The following CACNA2D1 variants were observed in gnomAD, a reference collection of about 807,000 sequenced individuals.
CACNA2D1 encodes calcium voltage-gated channel auxiliary subunit alpha2delta 1.
Under a neutral mutation model 171.5 loss-of-function variants are expected in CACNA2D1, and 53 were observed. That is an observed-to-expected ratio of 0.31 (90% CI 0.25 to 0.39). The LOEUF is 0.39. Among genes scored for constraint, CACNA2D1 ranks in the 10% least tolerant of loss-of-function variants. The pLI is 1.00. For synonymous variants in CACNA2D1, 442 were observed against 443.1 expected, an observed-to-expected ratio of 1.00 and a Z score of 0.03; for missense variants, 903 against 1,299.8, an observed-to-expected ratio of 0.69 and a Z score of 4.69.
Position 81,962,034 on chromosome 7 carries a change from G to A in CACNA2D1, c.2837-11C>T, listed in dbSNP as rs376087769. The A allele has an allele frequency of 9.9e-6, 16 of 1,611,854 alleles. No individual in the cohort carries two copies. The highest frequency in any genetic ancestry group is 1.7e-4 in the Middle Eastern group (1 of 6,036). ...CATCCTCCATCTCAACTTGGGTGGC[G>A]GGGGACGGTGTAAAAACAAAGAACA... On this transcript the variant is annotated splice_polypyrimidine_tract_variant and intron_variant, in intron 35 of 38. Transcript: ENST00000356860.
chr7:81,981,557 T>G (rs887925820), intron 24 of CACNA2D1, among the ~76,000 whole-genome samples: 5 of 152,224 alleles, frequency 3.3e-5, no homozygotes, highest in Non-Finnish European at 7.3e-5. Context: ...TTTGAGTTTT[T>G]GGAATAATTT....
At chr7:82,045,218 T>G (rs1214408845) in intron 10 of CACNA2D1, among the ~76,000 whole-genome samples, 1 of 152,198 alleles carries the variant, frequency 6.6e-6, no homozygotes, top group Non-Finnish European at 1.5e-5. Flanking sequence ...TGCAGCCTCA[T>G]AAACACTTCC....
intron 3 of CACNA2D1, among the ~76,000 whole-genome samples, chr7:82,198,242 T>C (rs1799050541): frequency 6.6e-6 from 1 of 152,070 alleles, no homozygotes; most frequent in African/African-American, 2.4e-5. Context: ...GGAAACTTAG[T>C]TAAAAACCTA....
At chr7:82,172,825 T>G (rs1245715576) in intron 3 of CACNA2D1, among the ~76,000 whole-genome samples, 2 of 145,886 alleles carry the variant, frequency 1.4e-5, no homozygotes, top group Non-Finnish European at 3.0e-5. Flanking sequence ...AACTAAACTT[T>G]TACATGTATG....
rs1038629170 is a variant in CACNA2D1, at chr7:81,951,164, C to G, written c.3160-656G>C. Among the ~76,000 whole-genome samples, 2 of 151,966 alleles carry G rather than the reference C, an allele frequency of 1.3e-5. 1 individual carries two copies. Among genetic ancestry groups the G allele is most frequent in the Admixed American group, 1.3e-4 (2 of 15,226 alleles). On this transcript the variant is annotated intron_variant, in intron 38 of 38. Coordinates refer to ENST00000356860, the MANE Select transcript of CACNA2D1 (RefSeq NM_000722.4). ...TAGGAAGAGATTTGTCTTGAGACAA[C>G]CAAGAAATATTAGAATGAATATACT...
chr7:82,142,339 T>A (rs1792498712), intron 4 of CACNA2D1, among the ~76,000 whole-genome samples: 1 of 152,186 alleles, frequency 6.6e-6, no homozygotes, highest in Admixed American at 6.5e-5. Flanking sequence ...ATTACTTTAG[T>A]CCCACATTGT....
chr7:82,132,309 T>C (rs2129071499), intron 5 of CACNA2D1, among the ~76,000 whole-genome samples: 1 of 152,340 alleles, frequency 6.6e-6, no homozygotes, highest in East Asian at 1.9e-4. Flanking sequence ...ATTGAAGATA[T>C]GTGCAGAAAC....
chr7:82,092,194 TCTG>T (rs1224433220), intron 6 of CACNA2D1, among the ~76,000 whole-genome samples: 7 of 152,222 alleles, frequency 4.6e-5, no homozygotes, highest in African/African-American at 1.7e-4. Context: ...CAATATTCCT[TCTG>T]CTTAATCTCC....
chr7:82,381,258 G>C (rs1481599587), intron 1 of CACNA2D1, among the ~76,000 whole-genome samples: 2 of 148,684 alleles, frequency 1.3e-5, no homozygotes, highest in East Asian at 2.0e-4. Context: ...AGCTTGCAGT[G>C]AGCTGAGATC....
intron 1 of CACNA2D1, among the ~76,000 whole-genome samples, chr7:82,391,490 T>C (rs577880472): frequency 6.6e-6 from 1 of 152,318 alleles, no homozygotes; most frequent in African/African-American, 2.4e-5. Flanking sequence ...TAATTATTCA[T>C]GTTATAAAAG....
At chr7:82,401,944 G>A (rs866381483) in intron 1 of CACNA2D1, among the ~76,000 whole-genome samples, 6 of 152,174 alleles carry the variant, frequency 3.9e-5, no homozygotes, top group South Asian at 2.1e-4. Context: ...TAGAAAGCGC[G>A]AAAGCAGAGT....
At chr7:82,166,274 T>C (rs2129141137) in intron 4 of CACNA2D1, among the ~76,000 whole-genome samples, 2 of 152,114 alleles carry the variant, frequency 1.3e-5, no homozygotes, top group East Asian at 3.9e-4. Flanking sequence ...CTCAATAACG[T>C]ACAACTTCAC....
At chr7:82,320,658 T>C (rs1409437432) in intron 3 of CACNA2D1, among the ~76,000 whole-genome samples, 5 of 150,206 alleles carry the variant, frequency 3.3e-5, no homozygotes, top group African/African-American at 4.9e-5. Flanking sequence ...CAAGCAATCC[T>C]CCTGCCTCAG....
chr7:82,299,246 TGGGGGGTTTTA>T (rs1420230992), intron 3 of CACNA2D1, among the ~76,000 whole-genome samples: 2 of 152,116 alleles, frequency 1.3e-5, no homozygotes, highest in Non-Finnish European at 2.9e-5. Context: ...TTGTTTGTTT[TGGGGGGTTTTA>T]GGGAGAAAGT....
At position 82,386,278 on chromosome 7, in the gene CACNA2D1, C is replaced by T. The variant is rs765775461; in HGVS notation, c.96-36629G>A. Among the ~76,000 whole-genome samples, 12 of 152,182 alleles carry T rather than the reference C, an allele frequency of 7.9e-5. No homozygotes were observed. In the South Asian group the frequency reaches 2.1e-3, roughly 26 times the overall value. On this transcript the variant is annotated intron_variant, in intron 1 of 38. Transcript: ENST00000356860. ...GCAGATTCTCAACTCTTACTTTGAGCTGCATTCTCCTATGGACACTTTTAC... is the reference window on the plus strand; with the variant it reads ...GCAGATTCTCAACTCTTACTTTGAGTTGCATTCTCCTATGGACACTTTTAC...
chr7:82,033,342 C>T (rs1417540814), intron 11 of CACNA2D1, among the ~76,000 whole-genome samples: 1 of 151,882 alleles, frequency 6.6e-6, no homozygotes, highest in Non-Finnish European at 1.5e-5. Flanking sequence ...TTCTTTGTCC[C>T]TCCATAGAAG....
At chr7:82,066,086 A>T (rs917511587) in intron 8 of CACNA2D1, among the ~76,000 whole-genome samples, 3 of 152,140 alleles carry the variant, frequency 2.0e-5, no homozygotes, top group Admixed American at 2.0e-4. Context: ...AATTCTCATT[A>T]GTTCACTGCC....
At chr7:82,002,597 T>G (rs2130845588) in intron 18 of CACNA2D1, among the ~76,000 whole-genome samples, 1 of 152,292 alleles carries the variant, frequency 6.6e-6, no homozygotes, top group African/African-American at 2.4e-5. Flanking sequence ...AAACATAGAT[T>G]ATGCACAATT....
In CACNA2D1 at chr7:82,292,523, C is replaced by T. The variant is rs75828632; in HGVS notation, c.294+42612G>A. Among the ~76,000 whole-genome samples the T allele has an allele frequency of 5.2e-3, 793 of 152,254 alleles. 16 individuals carry two copies. In the East Asian group the frequency reaches 0.06, roughly 11 times the overall value. ...GAAAATTTACGTGCTTTACCTTACA[C>T]TTGATTGATAATTTGGATATACAAT... On this transcript the variant is annotated intron_variant, in intron 3 of 38. Coordinates refer to ENST00000356860, the MANE Select transcript of CACNA2D1 (RefSeq NM_000722.4).
Sources: allele counts gnomAD v4.1 joint callset (sites outside exome capture counted in the v4.1 genomes callset), GRCh38; gene constraint gnomAD v4.1.1; transcripts MANE v1.5; gene names NCBI Gene and HGNC (gene_info 2026-07-23, HGNC 2026-07-21).